CPA1: variants seen among roughly 807,000 people sequenced by gnomAD.
The protein encoded by CPA1 is carboxypeptidase A1, also known as carboxypeptidase A1 (pancreatic).
In CPA1, 42 loss-of-function variants were observed where a neutral mutation model predicts 48.7. The observed-to-expected ratio is 0.86, with a 90% CI of 0.67 to 1.11. The LOEUF (loss-of-function observed/expected upper bound fraction) is 1.11. Ranked by LOEUF, CPA1 falls within the 50% of genes most tolerant of loss-of-function variation. The pLI, the probability that CPA1 is intolerant of heterozygous loss-of-function variation, is 0.00. For synonymous variants in CPA1, 203 were observed against 217.9 expected (o/e 0.93, Z 0.60); for missense variants, 477 against 544.7 (o/e 0.88, Z 1.24).
Position 130,385,284 on chromosome 7 carries a change from C to A in CPA1, c.926C>A (p.Ser309Tyr). 1 of 1,614,218 alleles carries A rather than the reference C, an allele frequency of 6.2e-7. No homozygotes were observed. The highest frequency in any genetic ancestry group is 8.5e-7 in the Non-Finnish European group (1 of 1,180,034). The change falls in exon 8 of 10, where the codon TCC (serine) becomes TAC (tyrosine). Residue 309 changes from serine to tyrosine, a missense_variant. Transcript: ENST00000011292. Reference protein sequence around the residue: ...IKAFISIHSYSQLLMYPYGYK... With the variant: ...IKAFISIHSYYQLLMYPYGYK... ...GCCTTCATCTCCATCCACAGCTACT[C>A]CCAGCTCCTCATGTATCCCTATGGC...
intron 6 of CPA1, 143 bp downstream of exon 6, chr7:130,383,937 A>C (rs1013265902): frequency 1.5e-6 from 1 of 685,148 alleles, no homozygotes; most frequent in Non-Finnish European, 2.6e-6. Context: ...GTGTCTCAAC[A>C]GTGGCGTGAT....
chr7:130,385,799 C>T, intron 8 of CPA1, 40 bp from the exon 9 acceptor site: 1 of 1,555,238 alleles, frequency 6.4e-7, no homozygotes, highest in Non-Finnish European at 8.9e-7. Flanking sequence ...GTTCCAGGAG[C>T]CTGGCCATGA....
intron 8 of CPA1, 114 bp from the exon 9 acceptor site, chr7:130,385,725 C>A: frequency 2.6e-6 from 2 of 761,544 alleles, no homozygotes; most frequent in East Asian, 2.7e-5. Flanking sequence ...CTGCTGGAGG[C>A]CCACTTCTGC....
intron 2 of CPA1, 142 bp downstream of exon 2, chr7:130,381,321 C>T: frequency 1.5e-6 from 1 of 650,824 alleles, no homozygotes; most frequent in Non-Finnish European, 2.7e-6. Context: ...CGACTTCAAG[C>T]CCCCAGCTCC....
Position 130,382,132 on chromosome 7 carries a change from G to A in CPA1, c.406G>A (p.Val136Met). 6.2e-7 allele frequency: 1 copy of A among 1,614,200 alleles called. No individual in the cohort carries two copies. Among genetic ancestry groups the A allele is most frequent in the Non-Finnish European group, 8.5e-7 (1 of 1,180,010 alleles). The change falls in exon 4 of 10, where the codon GTG becomes ATG. Residue 136 changes from valine (V) to methionine (M), a missense_variant. Coordinates refer to ENST00000011292, the MANE Select transcript of CPA1 (RefSeq NM_001868.4). ...EEIYDFLDLL[V>M]AENPHLVSKI... ...GATCTATGACTTCCTGGACCTGCTG[G>A]TGGCGGAGAACCCGCACCTTGTCAG... is the stretch of plus-strand genomic sequence containing the variant.
At chr7:130,382,281 T>G in intron 4 of CPA1, 72 bp downstream of exon 4, 1 of 1,185,778 alleles carries the variant, frequency 8.4e-7, no homozygotes, top group Non-Finnish European at 1.2e-6. Flanking sequence ...GCGTGGGCTC[T>G]CCCGGGGAAA....
In CPA1 at chr7:130,383,728, C is replaced by G; in HGVS notation, c.630C>G (p.Leu210=). 1 of 1,614,162 alleles carries G rather than the reference C, an allele frequency of 6.2e-7. No individual in the cohort carries two copies. The highest frequency in any genetic ancestry group is 8.5e-7 in the Non-Finnish European group (1 of 1,179,984). Residue 210 remains leucine, a synonymous_variant, in exon 6 of 10, where the codon CTC becomes CTG. Transcript: ENST00000011292. The part of the protein sequence containing the change: ...YGQDAAFTAI[L]DTLDIFLEIV... ...AGGATGCAGCTTTCACCGCCATTCT[C>G]GACACCTTGGACATCTTCCTGGAGA...
intron 5 of CPA1, 85 bp downstream of exon 5, chr7:130,383,577 A>T: frequency 3.5e-6 from 5 of 1,436,084 alleles, no homozygotes; most frequent in Non-Finnish European, 4.9e-6. Flanking sequence ...CCCTTTGCCC[A>T]TCCAGAAGCA....
chr7:130,384,351 A>G, intron 6 of CPA1, 185 bp from the exon 7 acceptor site: 1 of 597,726 alleles, frequency 1.7e-6, no homozygotes, highest in Admixed American at 2.9e-5. Flanking sequence ...CTGGGAGTGG[A>G]TCCCATCCCA....
At chr7:130,381,935 CCA>C (rs1562967093) in intron 3 of CPA1, 72 bp downstream of exon 3, 1 of 1,446,402 alleles carries the variant, frequency 6.9e-7, no homozygotes, top group Non-Finnish European at 9.5e-7. Flanking sequence ...CGCGGTAGGG[CCA>C]AGGCCAGGGC....
intron 7 of CPA1, 29 bp from the exon 8 acceptor site, chr7:130,385,117 A>C: frequency 7.4e-5 from 119 of 1,606,994 alleles, no homozygotes; most frequent in Non-Finnish European, 9.0e-5. Context: ...TGGAGGAGCC[A>C]CACCGCCATG....
intron 3 of CPA1, 73 bp downstream of exon 3, chr7:130,381,936 C>A: frequency 7.0e-7 from 1 of 1,434,872 alleles, no homozygotes; most frequent in Non-Finnish European, 9.6e-7. Context: ...GCGGTAGGGC[C>A]AAGGCCAGGG....
intron 9 of CPA1, among the ~76,000 whole-genome samples, chr7:130,386,818 G>A (rs1554412097): frequency 6.6e-6 from 1 of 152,172 alleles, no homozygotes; most frequent in Non-Finnish European, 1.5e-5. Context: ...GTGAGGTGAC[G>A]AATGCTGGGG....
rs1391819578 is a variant in CPA1 at position 130,380,891 on chromosome 7, C to A, written c.66-207C>A. The A allele has an allele frequency of 4.9e-6, 3 of 609,656 alleles. No individual in the cohort carries two copies. The Admixed American group carries it at 8.7e-5, about 18-fold the overall frequency. 37.8% of individuals were successfully genotyped at this position (609,656 alleles called of 1,614,324 possible). On this transcript the variant is annotated intron_variant, in intron 1 of 9. Coordinates refer to ENST00000011292, the MANE Select transcript of CPA1 (RefSeq NM_001868.4). ...ACTGGGATTGAGATAGTAACAGCGT[C>A]TAGAAGTTTCTAAAGATGGGGAGAG... is the stretch of plus-strand genomic sequence containing the variant.
At chr7:130,384,913 G>C in intron 7 of CPA1, 1 of 608,886 alleles carries the variant, frequency 1.6e-6, no homozygotes. Flanking sequence ...TGTGAGAACT[G>C]GTCTCCACTG....
At chr7:130,384,477 C>T in intron 6 of CPA1, 59 bp from the exon 7 acceptor site, 2 of 1,475,500 alleles carry the variant, frequency 1.4e-6, no homozygotes, top group Non-Finnish European at 1.9e-6. Context: ...ACCCCCCACC[C>T]AGCACTGTGA....
intron 1 of CPA1, 134 bp downstream of exon 1, chr7:130,380,719 C>G (rs1554411054): frequency 3.8e-6 from 2 of 532,686 alleles, no homozygotes; most frequent in Non-Finnish European, 6.3e-6. Flanking sequence ...CCTGGGACAG[C>G]TGGCAGATAA....
chr7:130,380,802 G>A (rs1796393715), intron 1 of CPA1: 2 of 549,388 alleles, frequency 3.6e-6, no homozygotes. Context: ...GAGCTCTGAG[G>A]AGGAGTTTTC....
intron 3 of CPA1, 117 bp from the exon 4 acceptor site, chr7:130,381,991 G>A (rs1554411287): frequency 8.4e-7 from 1 of 1,194,418 alleles, no homozygotes; most frequent in Non-Finnish European, 1.2e-6. Flanking sequence ...CATGTGGCCT[G>A]TGTGGTCGTA....
Sources: allele counts gnomAD v4.1 joint callset (sites outside exome capture counted in the v4.1 genomes callset), GRCh38; gene constraint gnomAD v4.1.1; transcripts MANE v1.5; gene names NCBI Gene and HGNC (gene_info 2026-07-23, HGNC 2026-07-21).